TAS2R30: variants seen among roughly 807,000 people sequenced by gnomAD.
TAS2R30 encodes taste receptor type 2 member 30.
For missense variants in TAS2R30, 395 were observed against 371.6 expected, an observed-to-expected ratio of 1.06 and a Z score of -0.52; for synonymous variants, 141 against 131.6, an observed-to-expected ratio of 1.07 and a Z score of -0.49.
At chr12:11,133,723 A>T (rs1247595092) in exon 1 of TAS2R30, 2 of 1,614,058 alleles carry the variant, frequency 1.2e-6, no homozygotes, top group Non-Finnish European at 1.7e-6. Flanking sequence ...TCATATTTGA[A>T]TGGTACATTG....
chr12:11,134,115 C>T (rs1423952183), exon 1 of TAS2R30: 9 of 1,614,102 alleles, frequency 5.6e-6, no homozygotes, highest in South Asian at 4.4e-5. Flanking sequence ...ATTTGGTCAA[C>T]AAAGGAGATC....
exon 1 of TAS2R30, chr12:11,133,317 T>C (rs760013836): frequency 6.2e-7 from 1 of 1,613,502 alleles, no homozygotes; most frequent in Middle Eastern, 1.7e-4. Flanking sequence ...CTTGTGAATC[T>C]ATGGAGACGA....
chr12:11,133,131 A>ACAC, exon 1 of TAS2R30: 1 of 903,668 alleles, frequency 1.1e-6, no homozygotes, highest in Non-Finnish European at 1.6e-6. Flanking sequence ...ACACACACAC[A>ACAC]CACACACACA....
chr12:11,133,641 G>A (rs1461949716), exon 1 of TAS2R30: 4 of 1,614,272 alleles, frequency 2.5e-6, no homozygotes, highest in Non-Finnish European at 1.7e-6. Flanking sequence ...TGTTTACACA[G>A]AGAACAGATT....
chr12:11,134,446 G>A, exon 1 of TAS2R30: 1 of 601,470 alleles, frequency 1.7e-6, no homozygotes, highest in South Asian at 2.9e-5. Flanking sequence ...CTCTCTTTAT[G>A]GAAAACATTC....
At chr12:11,133,090 A>AT in exon 1 of TAS2R30, 1 of 614,722 alleles carries the variant, frequency 1.6e-6, no homozygotes. Flanking sequence ...AATAAAAAGC[A>AT]TGTTATTGTC....
At chr12:11,133,279 T>C (rs1946427230) in exon 1 of TAS2R30, 1 of 1,592,784 alleles carries the variant, frequency 6.3e-7, no homozygotes. Context: ...ACCAGTTTGT[T>C]TTCTGCTAGA....
rs377453241 is a variant in TAS2R30, at chr12:11,133,351, C to T, written c.894G>A (p.Arg298=). The change falls in exon 1 of 1, where the codon AGG becomes AGA. Residue 298 remains arginine, a synonymous_variant. Coordinates refer to ENST00000539585, the Ensembl canonical transcript of TAS2R30. ...GAAGGCTTCTGTCTTTCACCCAGTA[C>T]CTCACATGCCGCAAAACTGAAAGAA... The T allele has an allele frequency of 1.0e-3, 1,671 of 1,613,808 alleles. 3 individuals are homozygous for T. The highest frequency in any genetic ancestry group is 3.6e-3 in the South Asian group (328 of 91,058).
At chr12:11,133,600 T>A (rs1946442635) in exon 1 of TAS2R30, 1 of 1,614,146 alleles carries the variant, frequency 6.2e-7, no homozygotes, top group Admixed American at 1.7e-5. Flanking sequence ...GATCTTGAGA[T>A]CCTTTGCCAT....
exon 1 of TAS2R30, chr12:11,133,355 A>C (rs931847854): frequency 1.9e-6 from 3 of 1,613,826 alleles, no homozygotes; most frequent in Non-Finnish European, 2.5e-6. Context: ...CCAGTACCTC[A>C]CATGCCGCAA....
exon 1 of TAS2R30, chr12:11,134,510 T>C: frequency 2.4e-6 from 1 of 424,668 alleles, no homozygotes; most frequent in Non-Finnish European, 4.1e-6. Context: ...GTTCTTGTTA[T>C]AGGCTGGAAT....
chr12:11,133,636 A>G, exon 1 of TAS2R30: 1 of 1,614,284 alleles, frequency 6.2e-7, no homozygotes, highest in East Asian at 2.2e-5. Flanking sequence ...TGAGATGTTT[A>G]CACAGAGAAC....
chr12:11,134,621 T>G (rs1015896328), exon 1 of TAS2R30: 5 of 201,966 alleles, frequency 2.5e-5, no homozygotes, highest in African/African-American at 1.2e-4. Flanking sequence ...TTGTGTAACC[T>G]CTCCATCATT....
chr12:11,133,970 T>C (rs774988543), exon 1 of TAS2R30: 5 of 1,614,004 alleles, frequency 3.1e-6, no homozygotes, highest in East Asian at 4.5e-5. Context: ...GCTGAAATGG[T>C]TGGTTACTGC....
chr12:11,133,549 G>T, exon 1 of TAS2R30: 1 of 1,614,202 alleles, frequency 6.2e-7, no homozygotes, highest in Non-Finnish European at 8.5e-7. Flanking sequence ...GAAGAAAGGA[G>T]GTCACAGTTT....
At chr12:11,133,284 G>T (rs1012075587) in exon 1 of TAS2R30, 5 of 1,602,964 alleles carry the variant, frequency 3.1e-6, no homozygotes, top group Non-Finnish European at 3.4e-6. Context: ...TTTGTTTTCT[G>T]CTAGAAGACA....
Position 11,134,436 on chromosome 12 carries a change from CT to C in TAS2R30, c.-193del. On this transcript the variant is annotated 5_prime_UTR_variant, in exon 1 of 1. The change abolishes the stop of an existing upstream ORF in the 5' untranslated region. Coordinates refer to ENST00000539585, the Ensembl canonical transcript of TAS2R30. ...GGCATGCTAATGGATAAGTTCAATG[CT>C]CTCTTTATGGAAAACATTCTTATTT... 1.5e-6 allele frequency: 1 copy of C among 656,248 alleles called. No homozygotes were observed. The highest frequency in any genetic ancestry group is 2.5e-6 in the Non-Finnish European group (1 of 405,060). The allele number at this position is 656,248 out of a possible 1,614,324, so 40.7% of individuals were successfully genotyped here. A position where few individuals can be genotyped will look rare whatever the true frequency, so the allele number is the denominator to read the frequency against.
exon 1 of TAS2R30, chr12:11,133,946 G>A: frequency 6.2e-7 from 1 of 1,614,134 alleles, no homozygotes; most frequent in East Asian, 2.2e-5. Flanking sequence ...GCTGAGGCTA[G>A]TAGCAAGCCA....
exon 1 of TAS2R30, chr12:11,133,117 T>TCTTA: frequency 1.7e-6 from 1 of 601,070 alleles, no homozygotes; most frequent in Non-Finnish European, 2.3e-6. Flanking sequence ...CTTCAGTTTT[T>TCTTA]CATACACACA....
Sources: gnomAD v4.1 joint callset for allele counts on GRCh38, gnomAD v4.1.1 for gene constraint, MANE v1.5 for transcripts, NCBI Gene and HGNC (gene_info 2026-07-23, HGNC 2026-07-21) for gene names.